KLHL29: variants seen among roughly 807,000 people sequenced by gnomAD.
KLHL29 encodes kelch like family member 29, also known as kelch-like protein 29.
Under a neutral mutation model 80.4 loss-of-function variants are expected in KLHL29, and 21 were observed. The ratio of observed to expected loss-of-function variants is 0.26; its 90% CI spans 0.19 to 0.38. KLHL29 has a LOEUF of 0.38. KLHL29 is among the 10% of genes least tolerant of loss of function. The pLI, the probability that KLHL29 is intolerant of heterozygous loss-of-function variation, is 1.00. For missense variants in KLHL29, 867 were observed against 1,223.9 expected (o/e 0.71, Z 4.35); for synonymous variants, 511 against 526.8 (o/e 0.97, Z 0.41).
At chr2:23,392,533 C>G (rs1666343784) in intron 1 of KLHL29, among the ~76,000 whole-genome samples, 1 of 152,188 alleles carries the variant, frequency 6.6e-6, no homozygotes, top group Non-Finnish European at 1.5e-5. Flanking sequence ...CCAGTTATGG[C>G]TGCTCACTAT....
At chr2:23,624,480 G>A (rs1190537122) in intron 3 of KLHL29, among the ~76,000 whole-genome samples, 2 of 152,140 alleles carry the variant, frequency 1.3e-5, no homozygotes, top group African/African-American at 2.4e-5. Context: ...GATGCCCTGC[G>A]ACATTGCCCC....
In KLHL29 at chr2:23,684,155, T is replaced by C. The variant is rs1671171813; in HGVS notation, c.941-244T>C. ...TCTGGGTTTGATTTTTTGTATCATA[T>C]TTGGTTTTTTTGCTTTTTAAAGTTG... On this transcript the variant is annotated intron_variant, in intron 5 of 13. Transcript: ENST00000486442. The surrounding 1 kb of genome is among the most constrained non-coding windows in gnomAD (Gnocchi z 4.4). Among the ~76,000 whole-genome samples the C allele has an allele frequency of 6.6e-6, 1 of 152,218 alleles. No homozygotes were observed. Among genetic ancestry groups the C allele is most frequent in the Non-Finnish European group, 1.5e-5 (1 of 68,046 alleles).
At chr2:23,574,892 T>G (rs1667805132) in intron 3 of KLHL29, among the ~76,000 whole-genome samples, 1 of 152,096 alleles carries the variant, frequency 6.6e-6, no homozygotes, top group Admixed American at 6.5e-5. Flanking sequence ...CATCAGATGA[T>G]GGGTCTTCAT....
intron 1 of KLHL29, among the ~76,000 whole-genome samples, chr2:23,439,888 T>A (rs1663461539): frequency 6.6e-6 from 1 of 152,062 alleles, no homozygotes; most frequent in Non-Finnish European, 1.5e-5. Flanking sequence ...GTCTCATTGA[T>A]CTGTCTAATG....
chr2:23,456,757 C>G (rs977987362), intron 1 of KLHL29, among the ~76,000 whole-genome samples: 7 of 152,098 alleles, frequency 4.6e-5, no homozygotes, highest in African/African-American at 9.7e-5. Context: ...GGAGTCTTCC[C>G]CCACCAAAAA....
chr2:23,523,472 A>T (rs1287845522), intron 2 of KLHL29, among the ~76,000 whole-genome samples: 2 of 152,198 alleles, frequency 1.3e-5, no homozygotes, highest in Non-Finnish European at 2.9e-5. Context: ...TGTTAATTCT[A>T]ACCTCCCTTA....
At chr2:23,604,629 C>G (rs934040944) in intron 3 of KLHL29, among the ~76,000 whole-genome samples, 1 of 152,196 alleles carries the variant, frequency 6.6e-6, no homozygotes, top group African/African-American at 2.4e-5. Flanking sequence ...GCTCAGGCCC[C>G]TGGAGCACTG....
At chr2:23,471,249 T>G (rs1236409863) in intron 1 of KLHL29, among the ~76,000 whole-genome samples, 1 of 152,196 alleles carries the variant, frequency 6.6e-6, no homozygotes, top group Non-Finnish European at 1.5e-5. Context: ...GGGGCTGCTT[T>G]CTGATGCTGT....
At chr2:23,620,984 G>T (rs965645344) in intron 3 of KLHL29, among the ~76,000 whole-genome samples, 1 of 152,238 alleles carries the variant, frequency 6.6e-6, no homozygotes, top group African/African-American at 2.4e-5. Context: ...CATGAAACCA[G>T]TGTTCAGGGA....
rs188029114 is a variant in KLHL29, at chr2:23,431,762, C to T, written c.-153-43798C>T. Among the ~76,000 whole-genome samples, 67 of 151,708 alleles carry T rather than the reference C, an allele frequency of 4.4e-4. 1 individual carries two copies. The East Asian group carries it at 0.011, about 26-fold the overall frequency. ...CAAAAAAATTAGCTGGGCGTTGTGG[C>T]GGGCGCCTGTAGTCCCAGCTACTCG... On this transcript the variant is annotated intron_variant, in intron 1 of 13. Coordinates refer to ENST00000486442, the MANE Select transcript of KLHL29 (RefSeq NM_052920.2).
chr2:23,563,447 T>C (rs1057464867), intron 3 of KLHL29, among the ~76,000 whole-genome samples: 4 of 152,206 alleles, frequency 2.6e-5, no homozygotes, highest in Non-Finnish European at 5.9e-5. Context: ...AGGAGCCCCC[T>C]TGGGGCAGTG....
chr2:23,583,494 C>T (rs905171420), intron 3 of KLHL29, among the ~76,000 whole-genome samples: 1 of 152,170 alleles, frequency 6.6e-6, no homozygotes, highest in Non-Finnish European at 1.5e-5. Context: ...AACATATGGA[C>T]TCCAATTTGG....
chr2:23,488,825 T>C (rs1032422574), intron 2 of KLHL29, among the ~76,000 whole-genome samples: 4 of 152,172 alleles, frequency 2.6e-5, no homozygotes, highest in African/African-American at 9.7e-5. Flanking sequence ...TTCATTGGAA[T>C]TGCCTGGGCA....
chr2:23,640,180 C>T (rs371282189), intron 4 of KLHL29, among the ~76,000 whole-genome samples: 1 of 152,202 alleles, frequency 6.6e-6, no homozygotes, highest in Non-Finnish European at 1.5e-5. Flanking sequence ...CATCAGTGTT[C>T]CTGTTTGCTC....
intron 3 of KLHL29, among the ~76,000 whole-genome samples, chr2:23,582,480 C>G (rs955267122): frequency 6.6e-6 from 1 of 152,138 alleles, no homozygotes; most frequent in East Asian, 1.9e-4. Context: ...GACTCAGGGT[C>G]CTGGTGTCAG....
At chr2:23,518,098 T>G (rs1377857499) in intron 2 of KLHL29, among the ~76,000 whole-genome samples, 1 of 152,068 alleles carries the variant, frequency 6.6e-6, no homozygotes, top group Non-Finnish European at 1.5e-5. Context: ...ATAATTAGAG[T>G]AACCCCCTGA....
intron 3 of KLHL29, among the ~76,000 whole-genome samples, chr2:23,613,030 G>A (rs532613687): frequency 9.2e-5 from 14 of 152,250 alleles, no homozygotes; most frequent in African/African-American, 3.4e-4. Context: ...TTGTTTTAAG[G>A]CCAAGGAAGA....
At chr2:23,491,652 C>T (rs1175311255) in intron 2 of KLHL29, among the ~76,000 whole-genome samples, 2 of 152,130 alleles carry the variant, frequency 1.3e-5, no homozygotes, top group Admixed American at 6.5e-5. Flanking sequence ...GTCTTCCAGC[C>T]CTCCGGGTGC....
At chr2:23,396,663 T>C (rs1299649765) in intron 1 of KLHL29, among the ~76,000 whole-genome samples, 5 of 152,210 alleles carry the variant, frequency 3.3e-5, no homozygotes, top group Non-Finnish European at 5.9e-5. Flanking sequence ...CAACCAGCTT[T>C]AATCATCAAA....
Sources: allele counts gnomAD v4.1 joint callset (sites outside exome capture counted in the v4.1 genomes callset), GRCh38; gene constraint gnomAD v4.1.1; non-coding constraint Gnocchi (gnomAD v3.1); transcripts MANE v1.5; gene names NCBI Gene and HGNC (gene_info 2026-07-23, HGNC 2026-07-21).